Variants in ZFP57 observed in about 807,000 individuals in gnomAD.
The protein encoded by ZFP57 is zinc finger protein 57 homolog.
A neutral mutation model predicts 15.8 loss-of-function variants in ZFP57; 12 were observed. The ratio of observed to expected loss-of-function variants is 0.76; its 90% CI spans 0.49 to 1.23. The LOEUF is 1.23. Ranked by LOEUF, ZFP57 falls within the 50% of genes most tolerant of loss-of-function variation. The pLI, the probability that ZFP57 is intolerant of heterozygous loss-of-function variation, is 0.00. For missense variants in ZFP57, 536 were observed against 654.9 expected (o/e 0.82, Z 1.98); for synonymous variants, 203 against 242.3 (o/e 0.84, Z 1.51).
chr6:29,676,743 C>T (rs1370888526), intron 2 of ZFP57, 138 bp downstream of exon 2: 6 of 1,136,868 alleles, frequency 5.3e-6, no homozygotes, highest in Non-Finnish European at 7.4e-6. Flanking sequence ...GGAGAAAGGT[C>T]TTGCAGCTCC....
Position 29,677,224 on chromosome 6 carries a change from A to G in ZFP57, c.-221T>C, listed in dbSNP as rs2127548297. 3.2e-6 allele frequency: 2 copies of G among 624,848 alleles called. No individual in the cohort carries two copies. Among genetic ancestry groups the G allele is most frequent in the Non-Finnish European group, 5.5e-6 (2 of 360,488 alleles). 38.7% of individuals were successfully genotyped at this position (624,848 alleles called of 1,614,324 possible). On this transcript the variant is annotated 5_prime_UTR_variant, in exon 2 of 5. Transcript: ENST00000376883. ...GCTGTCCAAATTCTCCTCTTCCACAATTGAGAACAATTTTGCTTCCCTCAA... is the reference window on the plus strand; with the variant it reads ...GCTGTCCAAATTCTCCTCTTCCACAGTTGAGAACAATTTTGCTTCCCTCAA...
chr6:29,673,643 T>C lies in ZFP57; in HGVS notation c.468A>G (p.Pro156=). 1.2e-6 allele frequency: 2 copies of C among 1,612,866 alleles called. No individual in the cohort carries two copies. Among genetic ancestry groups the C allele is most frequent in the South Asian group, 2.2e-5 (2 of 91,056 alleles). The part of the protein sequence containing the change: ...RGAGQCPLSA[P]AGTMDRTRVL... ...CCCGGGTCCTGTCCATAGTCCCAGC[T>C]GGGGCAGATAGGGGGCACTGGCCGG... The change falls in exon 5 of 5, where the codon CCA becomes CCG. Residue 156 remains proline, a synonymous_variant. Transcript: ENST00000376883. The surrounding 1 kb of genome is among the most constrained non-coding windows in gnomAD (Gnocchi z 4.7).
In ZFP57 at chr6:29,673,078, C is replaced by A; in HGVS notation, c.1033G>T (p.Ala345Ser). 1 of 1,612,966 alleles carries A rather than the reference C, an allele frequency of 6.2e-7. No homozygotes were observed. The highest frequency in any genetic ancestry group is 8.5e-7 in the Non-Finnish European group (1 of 1,180,010). The change falls in exon 5 of 5, where the codon GCA (alanine) becomes TCA (serine). Residue 345 changes from alanine (A) to serine (S), a missense_variant. By Grantham distance (99) the Ala-to-Ser change is moderately conservative (BLOSUM62 1). Transcript: ENST00000376883. This position sits in a 1 kb window ranked among gnomAD's most constrained non-coding sequence, Gnocchi z 4.7. ...GGTGCTTGGTTCTTAAGTACAGATG[C>A]CTGGTTCTGGGCCATAGGACCCTCA... ...RTEGPMAQNQ[A>S]SVLKNQAPVT... is the part of the protein sequence containing the mutation.
chr6:29,674,126 AAGAAGAAGGAGAAGG>A (rs1291727975), intron 4 of ZFP57, among the ~76,000 whole-genome samples: 252 of 151,652 alleles, frequency 1.7e-3, no homozygotes, highest in Middle Eastern at 6.9e-3. Context: ...GAAAAAGAAG[AAGAAGAAGGAGAAGG>A]AGAAGAAGGA....
chr6:29,673,538 A>G lies in ZFP57; in HGVS notation c.573T>C (p.Tyr191=), dbSNP rs1354091793. Residue 191 remains tyrosine, a synonymous_variant, in exon 5 of 5, where the codon TAT becomes TAC. Coordinates refer to ENST00000376883, the MANE Select transcript of ZFP57 (RefSeq NM_001109809.5). The surrounding 1 kb of genome is among the most constrained non-coding windows in gnomAD (Gnocchi z 4.7). ...GKCFSRRSYL[Y]SHQFVHNPKL... is the part of the protein sequence containing the mutation. ...TGGGATTGTGAACAAACTGGTGGCT[A>G]TAGAGGTAGGAGCGCCTGCTGAAAC... 2.5e-6 allele frequency: 4 copies of G among 1,612,998 alleles called. No individual in the cohort carries two copies. The highest frequency in any genetic ancestry group is 2.5e-6 in the Non-Finnish European group (3 of 1,180,050).
Position 29,676,884 on chromosome 6 carries a change from C to T in ZFP57, c.120G>A (p.Lys40=), listed in dbSNP as rs1363095080. The T allele has an allele frequency of 6.2e-7, 1 of 1,614,198 alleles. No individual in the cohort carries two copies. Among genetic ancestry groups the T allele is most frequent in the Non-Finnish European group, 8.5e-7 (1 of 1,180,044 alleles). Residue 40 remains lysine (K), a synonymous_variant, in exon 2 of 5, where the codon AAG becomes AAA. Transcript: ENST00000376883. ...KRDCWREARV[K]KKPVTFEDVA... is the part of the protein sequence containing the mutation. ...CTCTCTAGCTTAGTCTCCTCACCTT[C>T]TTCACCCGTGCCTCCCTCCAGCAAT...
chr6:29,676,204 T>C, intron 2 of ZFP57, 145 bp from the exon 3 acceptor site: 2 of 878,548 alleles, frequency 2.3e-6, no homozygotes, highest in Non-Finnish European at 3.4e-6. Context: ...AAGAGAGAAA[T>C]ATTAAAAGAC....
At position 29,673,001 on chromosome 6, in the gene ZFP57, T is replaced by A; in HGVS notation, c.1110A>T (p.Arg370Ser). 1 of 1,613,032 alleles carries A rather than the reference T, an allele frequency of 6.2e-7. No individual in the cohort carries two copies. Among genetic ancestry groups the A allele is most frequent in the Non-Finnish European group, 8.5e-7 (1 of 1,180,028 alleles). Residue 370 changes from arginine (R) to serine (S), a missense_variant, in exon 5 of 5, where the codon AGA becomes AGT. Physicochemically the swap from Arg to Ser is moderately radical, Grantham distance 110 (BLOSUM62 -1). Coordinates refer to ENST00000376883, the MANE Select transcript of ZFP57 (RefSeq NM_001109809.5). The surrounding 1 kb of genome is among the most constrained non-coding windows in gnomAD (Gnocchi z 4.7). ...AGGGCTTCACTGGATGAGAGTTGGA[T>A]CTGGCATCCTGACAGAGGGTTCCAG... ...PITGTLCQDA[R>S]SNSHPVKPSR...
intron 4 of ZFP57, among the ~76,000 whole-genome samples, chr6:29,675,151 CAAAAAAAAAAAA>C (rs11357168): frequency 1.2e-5 from 1 of 81,952 alleles, no homozygotes; most frequent in South Asian, 5.5e-4. Flanking sequence ...GACTGTGTCT[CAAAAAAAAAAAA>C]AAAAAAAAAA....
intron 4 of ZFP57, among the ~76,000 whole-genome samples, chr6:29,674,129 A>G (rs12202053): frequency 6.6e-6 from 1 of 150,930 alleles, no homozygotes; most frequent in Non-Finnish European, 1.5e-5. Flanking sequence ...AAAGAAGAAG[A>G]AGAAGGAGAA....
intron 1 of ZFP57, among the ~76,000 whole-genome samples, chr6:29,679,299 A>G (rs747427787): frequency 6.6e-6 from 1 of 152,240 alleles, no homozygotes; most frequent in Non-Finnish European, 1.5e-5. Flanking sequence ...AGAAAAGAAT[A>G]AAGACCAAAA....
Position 29,675,151 on chromosome 6 carries a change from C to CAA in ZFP57, c.352+233_352+234dup, listed in dbSNP as rs11357168. On this transcript the variant is annotated intron_variant, in intron 4 of 4. Transcript: ENST00000376883. ...CTGGCAACAGAGCGAGACTGTGTCTCAAAAAAAAAAAAAAAAAAAAAAAGA... is the reference window on the plus strand; with the variant it reads ...CTGGCAACAGAGCGAGACTGTGTCTCAAAAAAAAAAAAAAAAAAAAAAAAAGA... Among the ~76,000 whole-genome samples, 451 of 81,656 alleles carry CAA rather than the reference C, an allele frequency of 5.5e-3. 5 individuals are homozygous for CAA. Among genetic ancestry groups the CAA allele is most frequent in the Middle Eastern group, 6.9e-3 (1 of 144 alleles). The allele number at this position is 81,656 out of a possible 152,430, so 53.6% of individuals were successfully genotyped here.
At position 29,673,622 on chromosome 6, in the gene ZFP57, G is replaced by T; in HGVS notation, c.489C>A (p.Thr163=). 6.2e-7 allele frequency: 1 copy of T among 1,612,920 alleles called. No individual in the cohort carries two copies. Among genetic ancestry groups the T allele is most frequent in the South Asian group, 1.1e-5 (1 of 91,064 alleles). The part of the protein sequence containing the change: ...LSAPAGTMDR[T]RVLQASQAGP... ...CAGCCTGGGATGCTTGAAGCACCCG[G>T]GTCCTGTCCATAGTCCCAGCTGGGG... is the stretch of plus-strand genomic sequence containing the variant. Residue 163 remains threonine, a synonymous_variant, in exon 5 of 5, where the codon ACC becomes ACA. Transcript: ENST00000376883. This position sits in a 1 kb window ranked among gnomAD's most constrained non-coding sequence, Gnocchi z 4.7.
rs950646481 is a variant in ZFP57 at position 29,673,993 on chromosome 6, C to T, written c.353-235G>A. 6.6e-6 allele frequency among the ~76,000 whole-genome samples: 1 copy of T among 151,870 alleles called. No homozygotes were observed. Among genetic ancestry groups the T allele is most frequent in the Non-Finnish European group, 1.5e-5 (1 of 68,012 alleles). On this transcript the variant is annotated intron_variant, in intron 4 of 4. Coordinates refer to ENST00000376883, the MANE Select transcript of ZFP57 (RefSeq NM_001109809.5). This position sits in a 1 kb window ranked among gnomAD's most constrained non-coding sequence, Gnocchi z 4.7. ...CCTGTAATCTCAGCTACTAGGGAGA[C>T]TGAGGCAGGACAATCACTCGAACCC...
Position 29,672,698 on chromosome 6 carries a change from G to C in ZFP57, c.1413C>G (p.Ser471Arg). ...CCAGGATCACCCGGCATTTATGGTG[G>C]CTGCTCTGGCACAGGTCCTTGCCTT... ...GYKGKDLCQS[S>R]HHKCRVILGQ... The change falls in exon 5 of 5, where the codon AGC becomes AGG. Residue 471 changes from serine to arginine, a missense_variant. Coordinates refer to ENST00000376883, the MANE Select transcript of ZFP57 (RefSeq NM_001109809.5). 6.2e-7 allele frequency: 1 copy of C among 1,612,782 alleles called. No individual in the cohort carries two copies. Among genetic ancestry groups the C allele is most frequent in the Non-Finnish European group, 8.5e-7 (1 of 1,179,842 alleles).
chr6:29,672,666 C>A lies in ZFP57; in HGVS notation c.1445G>T (p.Trp482Leu). 1.2e-6 allele frequency: 2 copies of A among 1,611,436 alleles called. No homozygotes were observed. The highest frequency in any genetic ancestry group is 1.7e-6 in the Non-Finnish European group (2 of 1,178,666). ...HHKCRVILGQWLGFSHDVPTM... is the reference protein window; with the variant it reads ...HHKCRVILGQLLGFSHDVPTM... ...GGGGACATCATGAGAGAAGCCAAGC[C>A]ACTGGCCCAGGATCACCCGGCATTT... is the stretch of plus-strand genomic sequence containing the variant. Residue 482 changes from tryptophan to leucine, a missense_variant, in exon 5 of 5, where the codon TGG becomes TTG. By Grantham distance (61) the Trp-to-Leu change is moderately conservative (BLOSUM62 -2). Transcript: ENST00000376883.
chr6:29,680,829 T>G (rs917541893), intron 1 of ZFP57, among the ~76,000 whole-genome samples: 6 of 152,052 alleles, frequency 3.9e-5, no homozygotes, highest in African/African-American at 1.2e-4. Context: ...TTTCAACACG[T>G]GCCAGGAGCC....
At chr6:29,680,475 A>G (rs973856283) in intron 1 of ZFP57, among the ~76,000 whole-genome samples, 1 of 152,180 alleles carries the variant, frequency 6.6e-6, no homozygotes, top group Non-Finnish European at 1.5e-5. Context: ...TCAGCCAAGC[A>G]AAATGGCCTT....
At chr6:29,679,804 A>C (rs563505110) in intron 1 of ZFP57, among the ~76,000 whole-genome samples, 127 of 152,280 alleles carry the variant, frequency 8.3e-4, no homozygotes, top group African/African-American at 3.0e-3. Flanking sequence ...GAATCGCTTG[A>C]ACCCGGGAGG....
Sources: gnomAD v4.1 joint callset for allele counts (sites outside exome capture counted in the v4.1 genomes callset) on GRCh38, gnomAD v4.1.1 for gene constraint, Gnocchi (gnomAD v3.1) non-coding constraint, MANE v1.5 for transcripts, NCBI Gene and HGNC (gene_info 2026-07-23, HGNC 2026-07-21) for gene names.